The following PSMC3 variants were observed in gnomAD, a reference collection of about 807,000 sequenced individuals.
PSMC3 encodes 26S proteasome regulatory subunit 6A.
PSMC3 carries 11 observed loss-of-function variants against 52.0 expected under a neutral mutation model. That is an observed-to-expected ratio of 0.21 (90% confidence interval 0.13 to 0.35). The LOEUF (loss-of-function observed/expected upper bound fraction) is 0.35. PSMC3 is among the 10% of genes least tolerant of loss of function. The pLI, the probability that PSMC3 is intolerant of heterozygous loss-of-function variation, is 1.00. For synonymous variants in PSMC3, 201 were observed against 218.8 expected, an observed-to-expected ratio of 0.92 and a Z score of 0.72; for missense variants, 238 against 567.1, an observed-to-expected ratio of 0.42 and a Z score of 5.89.
At position 47,424,385 on chromosome 11, in the gene PSMC3, G is replaced by A; in HGVS notation, c.453+44C>T. 1 of 1,603,304 alleles carries A rather than the reference G, an allele frequency of 6.2e-7. No homozygotes were observed. Among genetic ancestry groups the A allele is most frequent in the Non-Finnish European group, 8.5e-7 (1 of 1,170,444 alleles). On this transcript the variant is annotated intron_variant, in intron 5 of 11. Coordinates refer to ENST00000298852, the MANE Select transcript of PSMC3 (RefSeq NM_002804.5). The surrounding 1 kb of genome is among the most constrained non-coding windows in gnomAD (Gnocchi z 4.8). ...GACCTGGGGCGGGTACAGGGGCTCA[G>A]CTAGTCACCAGAAAAGCACTGCCTG...
chr11:47,424,099 T>C lies in PSMC3; in HGVS notation c.538A>G (p.Arg180Gly), dbSNP rs1270594616. ...ATGTCACTGTATTGCTCCGTGGGCC[T>C]CTCGTCTACCTCCATGGCCTTCACC... ...SRVKAMEVDE[R>G]PTEQYSDIGG... is the part of the protein sequence containing the mutation. The change falls in exon 6 of 12, where the codon AGG (arginine) becomes GGG (glycine). Residue 180 changes from arginine to glycine, a missense_variant. Arg to Gly is a moderately radical substitution (Grantham distance 125, BLOSUM62 -2). Coordinates refer to ENST00000298852, the MANE Select transcript of PSMC3 (RefSeq NM_002804.5). This position sits in a 1 kb window ranked among gnomAD's most constrained non-coding sequence, Gnocchi z 4.8. The C allele has an allele frequency of 6.2e-7, 1 of 1,614,180 alleles. No homozygotes were observed. The highest frequency in any genetic ancestry group is 1.7e-5 in the Admixed American group (1 of 60,018).
Position 47,420,185 on chromosome 11 carries a change from G to T in PSMC3, c.1127+79C>A, listed in dbSNP as rs1221090031. 2.6e-6 allele frequency: 4 copies of T among 1,541,712 alleles called. No homozygotes were observed. In the African/African-American group the frequency reaches 5.4e-5, roughly 21 times the overall value. ...GGTGGTGGTCGTGGAGGCTGGGGAA[G>T]ATCAGTACAGAGAAGCATGGCAGAG... On this transcript the variant is annotated intron_variant, in intron 10 of 11. Transcript: ENST00000298852.
chr11:47,419,063 G>C, intron 11 of PSMC3, 53 bp downstream of exon 11: 1 of 1,611,022 alleles, frequency 6.2e-7, no homozygotes, highest in East Asian at 2.2e-5. Flanking sequence ...ATCCTGTCCA[G>C]GGAGGGGGCA....
At chr11:47,426,014 C>A in intron 1 of PSMC3, 64 bp from the exon 2 acceptor site, 1 of 1,510,250 alleles carries the variant, frequency 6.6e-7, no homozygotes, top group Non-Finnish European at 9.1e-7. Context: ...CCCTCGTTCT[C>A]CGAACCCACT....
chr11:47,423,614 C>T (rs566944129), intron 6 of PSMC3, among the ~76,000 whole-genome samples: 20 of 152,196 alleles, frequency 1.3e-4, no homozygotes, highest in African/African-American at 4.3e-4. Context: ...TGGAGAAACC[C>T]CGTCTCTACT....
At position 47,422,802 on chromosome 11, in the gene PSMC3, T is replaced by G; in HGVS notation, c.735+28A>C. The G allele has an allele frequency of 6.2e-7, 1 of 1,601,048 alleles. No individual in the cohort carries two copies. The highest frequency in any genetic ancestry group is 8.5e-7 in the Non-Finnish European group (1 of 1,171,128). On this transcript the variant is annotated intron_variant, in intron 7 of 11. Coordinates refer to ENST00000298852, the MANE Select transcript of PSMC3 (RefSeq NM_002804.5). The surrounding 1 kb of genome is among the most constrained non-coding windows in gnomAD (Gnocchi z 4.3). Reference sequence around the variant, plus strand: ...GGTAGAGTTTCTGCTCCTGCCCACTTCCCCCGCATCCCTCCCAAAGTACTC... The same window carrying G: ...GGTAGAGTTTCTGCTCCTGCCCACTGCCCCCGCATCCCTCCCAAAGTACTC...
Position 47,420,467 on chromosome 11 carries a change from G to T in PSMC3, c.982-58C>A, listed in dbSNP as rs184454223. On this transcript the variant is annotated intron_variant, in intron 9 of 11. Coordinates refer to ENST00000298852, the MANE Select transcript of PSMC3 (RefSeq NM_002804.5). Reference sequence around the variant, plus strand: ...AAGGTGTTCACAGATGGGCAGACACGGTCAAAAAAGGCAGAGAGGCAGCCC... The same window carrying T: ...AAGGTGTTCACAGATGGGCAGACACTGTCAAAAAAGGCAGAGAGGCAGCCC... 66 of 1,575,944 alleles carry T rather than the reference G, an allele frequency of 4.2e-5. No homozygotes were observed. The African/African-American group carries it at 8.8e-4, about 21-fold the overall frequency.
chr11:47,423,070 C>G (rs1461185922), intron 6 of PSMC3, 97 bp from the exon 7 acceptor site: 8 of 1,282,042 alleles, frequency 6.2e-6, no homozygotes, highest in African/African-American at 1.5e-5. Flanking sequence ...CCCTCCTACT[C>G]TAACTCAGGG....
At chr11:47,423,040 GC>G (rs1246930563) in intron 6 of PSMC3, 67 bp from the exon 7 acceptor site, 2 of 1,463,744 alleles carry the variant, frequency 1.4e-6, no homozygotes, top group Non-Finnish European at 1.8e-6. Flanking sequence ...ACCCTTCATG[GC>G]TCCAACCCCA....
chr11:47,420,766 G>T, intron 8 of PSMC3, 39 bp from the exon 9 acceptor site: 1 of 1,528,124 alleles, frequency 6.5e-7, no homozygotes, highest in Non-Finnish European at 8.9e-7. Flanking sequence ...TGAGGGCACA[G>T]CTTAGGCAGA....
chr11:47,424,911 C>T lies in PSMC3; in HGVS notation c.286-200G>A, dbSNP rs1031357769. On this transcript the variant is annotated intron_variant, in intron 3 of 11. Coordinates refer to ENST00000298852, the MANE Select transcript of PSMC3 (RefSeq NM_002804.5). This position sits in a 1 kb window ranked among gnomAD's most constrained non-coding sequence, Gnocchi z 4.8. ...TCCTCTGCACAGGGCTCATCTACCC[C>T]GGAGGAGACATAACCAACAGAAAAG... 1.3e-5 allele frequency among the ~76,000 whole-genome samples: 2 copies of T among 152,134 alleles called. No individual in the cohort carries two copies. The highest frequency in any genetic ancestry group is 2.9e-5 in the Non-Finnish European group (2 of 68,020).
At chr11:47,425,358 C>A in intron 2 of PSMC3, 112 bp from the exon 3 acceptor site, 1 of 1,348,042 alleles carries the variant, frequency 7.4e-7, no homozygotes, top group Admixed American at 1.8e-5. Context: ...ATCCATTCAT[C>A]CAGCTCTGAG....
chr11:47,424,555 C>A lies in PSMC3; in HGVS notation c.390+52G>T, dbSNP rs1414684845. On this transcript the variant is annotated intron_variant, in intron 4 of 11. Transcript: ENST00000298852. The surrounding 1 kb of genome is among the most constrained non-coding windows in gnomAD (Gnocchi z 4.8). ...TCAGGGAAGGCTCCCTAGTCCTGTC[C>A]CACATCCGCTCCTCACCCTCCTCCA... The A allele has an allele frequency of 6.2e-7, 1 of 1,606,094 alleles. No individual in the cohort carries two copies.
chr11:47,426,094 C>G (rs774687092), intron 1 of PSMC3, 111 bp downstream of exon 1: 2 of 1,434,118 alleles, frequency 1.4e-6, no homozygotes, highest in Admixed American at 2.0e-5. Flanking sequence ...CCAAACAACC[C>G]CGTCCCCGGG....
intron 6 of PSMC3, 126 bp from the exon 7 acceptor site, chr11:47,423,099 C>A: frequency 9.3e-7 from 1 of 1,072,356 alleles, no homozygotes; most frequent in Non-Finnish European, 1.3e-6. Flanking sequence ...ATTTCTTTCC[C>A]CATATCAAGA....
intron 10 of PSMC3, 126 bp downstream of exon 10, chr11:47,420,138 T>A: frequency 8.8e-7 from 1 of 1,130,052 alleles, no homozygotes; most frequent in Non-Finnish European, 1.3e-6. Flanking sequence ...GGAACGGTGC[T>A]GTGTGTGCCT....
chr11:47,425,756 G>T (rs1260577944), intron 2 of PSMC3, 111 bp downstream of exon 2: 4 of 883,108 alleles, frequency 4.5e-6, no homozygotes, highest in South Asian at 1.7e-5. Context: ...GGGGAAGCCC[G>T]AGCCCCATGT....
intron 2 of PSMC3, 181 bp downstream of exon 2, chr11:47,425,686 C>T (rs551875996): frequency 8.3e-5 from 49 of 588,082 alleles, no homozygotes; most frequent in Middle Eastern, 3.2e-4. Context: ...CCCACCACCC[C>T]CTACCTGTCT....
chr11:47,424,349 G>A lies in PSMC3; in HGVS notation c.453+80C>T. ...CTCGGAGCTGTTCTGCCAAGATTCA[G>A]AGCCAACAGTGACCTGGGGCGGGTA... On this transcript the variant is annotated intron_variant, in intron 5 of 11. Coordinates refer to ENST00000298852, the MANE Select transcript of PSMC3 (RefSeq NM_002804.5). The surrounding 1 kb of genome is among the most constrained non-coding windows in gnomAD (Gnocchi z 4.8). 1 of 1,572,652 alleles carries A rather than the reference G, an allele frequency of 6.4e-7. No homozygotes were observed. The highest frequency in any genetic ancestry group is 8.7e-7 in the Non-Finnish European group (1 of 1,143,380).
Sources: allele counts gnomAD v4.1 joint callset (sites outside exome capture counted in the v4.1 genomes callset), GRCh38; gene constraint gnomAD v4.1.1; non-coding constraint Gnocchi (gnomAD v3.1); transcripts MANE v1.5; gene names NCBI Gene and HGNC (gene_info 2026-07-23, HGNC 2026-07-21).